The following RB1 variants were observed in gnomAD, a reference collection of about 807,000 sequenced individuals.
RB1 encodes RB transcriptional corepressor 1.
Under a neutral mutation model 135.4 loss-of-function variants are expected in RB1, and 18 were observed. That is an observed-to-expected ratio of 0.13 (90% confidence interval 0.09 to 0.20). RB1 has a LOEUF of 0.20. Among genes scored for constraint, RB1 ranks in the 10% least tolerant of loss-of-function variants. The pLI is 1.00. For synonymous variants in RB1, 365 were observed against 373.2 expected, an observed-to-expected ratio of 0.98 and a Z score of 0.25; for missense variants, 868 against 1,110.0, an observed-to-expected ratio of 0.78 and a Z score of 3.10.
intron 17 of RB1, among the ~76,000 whole-genome samples, chr13:48,407,569 T>C (rs1948751381): frequency 6.6e-6 from 1 of 152,224 alleles, no homozygotes; most frequent in Admixed American, 6.5e-5. Context: ...TTAGGAGTTA[T>C]GTACATGCTG....
In RB1 at chr13:48,464,853, T is replaced by C. The variant is rs114464494; in HGVS notation, c.2212-145T>C. On this transcript the variant is annotated intron_variant, in intron 21 of 26. Coordinates refer to ENST00000267163, the MANE Select transcript of RB1 (RefSeq NM_000321.3). ...AGTAATTTTATTTATTTATTATTTT[T>C]TCCTTTATAATATGTGCTTCTTACC... The C allele has an allele frequency of 2.2e-3, 1,868 of 853,984 alleles. 21 individuals carry two copies. In the African/African-American group the frequency reaches 0.03, roughly 14 times the overall value. 52.9% of individuals were successfully genotyped at this position (853,984 alleles called of 1,614,324 possible). A position where few individuals can be genotyped will look rare whatever the true frequency, so the allele number is the denominator to read the frequency against.
chr13:48,318,383 C>A (rs761397247), intron 2 of RB1: 11 of 1,494,166 alleles, frequency 7.4e-6, no homozygotes, highest in Non-Finnish European at 1.0e-5. Context: ...TTCGCTTGGA[C>A]CTTAAGTCCT....
chr13:48,340,441 G>A (rs776672289), intron 2 of RB1, among the ~76,000 whole-genome samples: 1 of 152,016 alleles, frequency 6.6e-6, no homozygotes, highest in Non-Finnish European at 1.5e-5. Context: ...TTTCACTTAT[G>A]CATTTTATCA....
At chr13:48,338,702 C>T (rs1952410268) in intron 2 of RB1, among the ~76,000 whole-genome samples, 1 of 152,236 alleles carries the variant, frequency 6.6e-6, no homozygotes, top group Non-Finnish European at 1.5e-5. Context: ...CTCCATCCAG[C>T]TTTGTTCCGT....
chr13:48,442,044 AC>A (rs986614641), intron 17 of RB1, among the ~76,000 whole-genome samples: 3 of 152,128 alleles, frequency 2.0e-5, no homozygotes, highest in African/African-American at 7.2e-5. Flanking sequence ...TTCAGTCGTA[AC>A]CCACTCCTTC....
intron 16 of RB1, 130 bp downstream of exon 16, chr13:48,380,371 C>A: frequency 1.5e-6 from 1 of 687,242 alleles, no homozygotes; most frequent in Non-Finnish European, 2.5e-6. Context: ...TCACTATATA[C>A]TGAAGAATGT....
chr13:48,428,758 G>A (rs1410108963), intron 17 of RB1, among the ~76,000 whole-genome samples: 1 of 152,138 alleles, frequency 6.6e-6, no homozygotes, highest in African/African-American at 2.4e-5. Context: ...TTTGTACATA[G>A]TAATGTGCCA....
At chr13:48,337,738 A>G (rs2138076793) in intron 2 of RB1, among the ~76,000 whole-genome samples, 1 of 152,064 alleles carries the variant, frequency 6.6e-6, no homozygotes, top group East Asian at 1.9e-4. Context: ...TTAGCTGGTG[A>G]TTTTGCTCGT....
At chr13:48,451,618 A>G (rs1050534911) in intron 17 of RB1, among the ~76,000 whole-genome samples, 6 of 152,120 alleles carry the variant, frequency 3.9e-5, no homozygotes, top group African/African-American at 7.2e-5. Flanking sequence ...TGCTATCAGG[A>G]TGATGCTGGC....
In RB1 at chr13:48,320,434, G is replaced by T. The variant is rs1952224527; in HGVS notation, c.264+13028G>T. On this transcript the variant is annotated intron_variant, in intron 2 of 26. Transcript: ENST00000267163. The stretch of plus-strand genomic sequence containing the variant: ...TGGTGGGCCAAAGGCCTCCCATTTG[G>T]ACTGGGGAGCAACCCCTGGAGTAGC... 3 of 1,026,772 alleles carry T rather than the reference G, an allele frequency of 2.9e-6. No homozygotes were observed. In the South Asian group the frequency reaches 3.9e-5, roughly 13 times the overall value. 63.6% of individuals were successfully genotyped at this position (1,026,772 alleles called of 1,614,324 possible).
chr13:48,374,824 T>C (rs1952802471), intron 12 of RB1, among the ~76,000 whole-genome samples: 1 of 152,134 alleles, frequency 6.6e-6, no homozygotes, highest in African/African-American at 2.4e-5. Context: ...ATGATCTTTT[T>C]TTATGTTTTT....
At chr13:48,414,011 TA>T (rs1271950649) in intron 17 of RB1, among the ~76,000 whole-genome samples, 2 of 152,176 alleles carry the variant, frequency 1.3e-5, no homozygotes, top group Admixed American at 6.5e-5. Flanking sequence ...TGTCTCCATC[TA>T]AAAGTTTCTA....
At chr13:48,378,578 A>G (rs2138139053) in intron 13 of RB1, among the ~76,000 whole-genome samples, 1 of 151,578 alleles carries the variant, frequency 6.6e-6, no homozygotes, top group East Asian at 1.9e-4. Context: ...TTTTACATTT[A>G]ACTTTTTTTT....
At chr13:48,412,522 C>T in intron 17 of RB1, 2 of 806,442 alleles carry the variant, frequency 2.5e-6, no homozygotes, top group Non-Finnish European at 4.4e-6. Flanking sequence ...AATTTATTTG[C>T]AAATTATCTG....
chr13:48,347,991 G>A (rs1952513424), intron 5 of RB1, 128 bp downstream of exon 5: 3 of 708,980 alleles, frequency 4.2e-6, no homozygotes, highest in Non-Finnish European at 7.4e-6. Context: ...TAAGCCCATA[G>A]ATTTAAGTCC....
intron 23 of RB1, 25 bp from the exon 24 acceptor site, chr13:48,473,335 T>C (rs748669011): frequency 7.7e-6 from 12 of 1,548,710 alleles, no homozygotes; most frequent in Non-Finnish European, 1.1e-5. Flanking sequence ...TTATTACTAA[T>C]TGGTATTTCA....
intron 2 of RB1, among the ~76,000 whole-genome samples, chr13:48,309,855 A>C (rs1156493858): frequency 6.6e-6 from 1 of 152,162 alleles, no homozygotes; most frequent in Non-Finnish European, 1.5e-5. Context: ...TTCAGAATTG[A>C]ATACATATAT....
intron 17 of RB1, among the ~76,000 whole-genome samples, chr13:48,400,092 C>G (rs1295342814): frequency 6.6e-6 from 1 of 152,052 alleles, no homozygotes; most frequent in Non-Finnish European, 1.5e-5. Flanking sequence ...CTCATAGAAA[C>G]TTAGTTTAGG....
chr13:48,317,354 A>C, intron 2 of RB1: 1 of 378,868 alleles, frequency 2.6e-6, no homozygotes, highest in Non-Finnish European at 4.8e-6. Flanking sequence ...CCCCGCCTCC[A>C]CTCCGCATCT....
Sources: allele counts gnomAD v4.1 joint callset (sites outside exome capture counted in the v4.1 genomes callset), GRCh38; gene constraint gnomAD v4.1.1; transcripts MANE v1.5; gene names NCBI Gene and HGNC (gene_info 2026-07-23, HGNC 2026-07-21).